BRDT: variants seen among roughly 807,000 people sequenced by gnomAD.
BRDT encodes the protein bromodomain testis associated, also known as bromodomain testis-specific protein.
A neutral mutation model predicts 113.9 loss-of-function variants in BRDT; 77 were observed. The ratio of observed to expected loss-of-function variants is 0.68; its 90% CI spans 0.56 to 0.82. The LOEUF (loss-of-function observed/expected upper bound fraction) is 0.82, where lower values mean the gene tolerates loss of function less well. BRDT is among the 40% of genes least tolerant of loss of function. The pLI is 0.00. For missense variants in BRDT, 1,027 were observed against 1,105.4 expected, an observed-to-expected ratio of 0.93 and a Z score of 1.01; for synonymous variants, 358 against 366.5, an observed-to-expected ratio of 0.98 and a Z score of 0.26.
chr1:91,968,318 A>G (rs201156875), intron 4 of BRDT, 58 bp downstream of exon 4: 211 of 1,575,176 alleles, frequency 1.3e-4, no homozygotes, highest in Non-Finnish European at 1.7e-4. Context: ...TATCTATCTC[A>G]TGTGTGTGTG....
intron 16 of BRDT, 24 bp from the exon 17 acceptor site, chr1:92,004,390 G>A (rs764696006): frequency 6.4e-7 from 1 of 1,566,760 alleles, no homozygotes; most frequent in Admixed American, 2.0e-5. Context: ...TGTAGACATA[G>A]ACTGAACCAA....
At chr1:91,991,989 CTCAA>C (rs1685808345) in intron 13 of BRDT, among the ~76,000 whole-genome samples, 11 of 36,190 alleles carry the variant, frequency 3.0e-4, no homozygotes, top group African/African-American at 1.2e-3. Flanking sequence ...AAGACTCTGT[CTCAA>C]AAAAAAAAAA....
intron 15 of BRDT, among the ~76,000 whole-genome samples, chr1:92,000,902 CTG>C (rs961267257): frequency 1.3e-4 from 20 of 152,322 alleles, no homozygotes; most frequent in African/African-American, 4.1e-4. Context: ...GGCTCACACT[CTG>C]TAGTTAATCT....
chr1:91,966,961 C>A (rs1459922855), intron 3 of BRDT, among the ~76,000 whole-genome samples: 1 of 152,038 alleles, frequency 6.6e-6, no homozygotes, highest in African/African-American at 2.4e-5. Flanking sequence ...CCCAGGTACT[C>A]AGGAGGCTGA....
chr1:91,988,650 C>T (rs1395142855), intron 12 of BRDT, among the ~76,000 whole-genome samples: 2 of 152,180 alleles, frequency 1.3e-5, no homozygotes, highest in East Asian at 3.9e-4. Context: ...ATCAGCCTGC[C>T]TTGGCTTCCC....
chr1:91,956,805 T>G (rs1026708901), intron 1 of BRDT, among the ~76,000 whole-genome samples: 1 of 152,014 alleles, frequency 6.6e-6, no homozygotes, highest in Non-Finnish European at 1.5e-5. Flanking sequence ...TAACCAGGCA[T>G]GGTGATATGT....
chr1:91,998,118 C>T (rs12024343), intron 15 of BRDT, among the ~76,000 whole-genome samples: 15,868 of 152,020 alleles, frequency 0.1, 1,261 homozygotes, highest in East Asian at 0.4. Context: ...TTAGCCATAC[C>T]CTTATCCTTA....
chr1:91,977,201 A>T lies in BRDT; in HGVS notation c.777A>T (p.Gln259His), dbSNP rs1337715357. ...MPKNVLPDSQ[Q>H]QYNVVKTVKV... ...AGAATGTTTTGCCAGATTCTCAGCA[A>T]CAATATAATGTTGTGAAGACTGTTA... is the stretch of plus-strand genomic sequence containing the variant. Residue 259 changes from glutamine (Q) to histidine (H), a missense_variant, in exon 6 of 19, where the codon CAA becomes CAT. Gln to His is a conservative substitution (Grantham distance 24). Transcript: ENST00000399546. 1 of 1,613,968 alleles carries T rather than the reference A, an allele frequency of 6.2e-7. No individual in the cohort carries two copies. The highest frequency in any genetic ancestry group is 1.3e-5 in the African/African-American group (1 of 74,940).
At position 91,964,607 on chromosome 1, in the gene BRDT, G is replaced by T. The variant is rs1283811708; in HGVS notation, c.193-20G>T. 1.5e-6 allele frequency: 2 copies of T among 1,325,612 alleles called. No individual in the cohort carries two copies. The highest frequency in any genetic ancestry group is 2.2e-5 in the Admixed American group (1 of 44,698). 82.1% of individuals were successfully genotyped at this position (1,325,612 alleles called of 1,614,324 possible). A position where few individuals can be genotyped will look rare whatever the true frequency, so the allele number is the denominator to read the frequency against. On this transcript the variant is annotated intron_variant, in intron 2 of 18. Coordinates refer to ENST00000399546, the MANE Select transcript of BRDT (RefSeq NM_207189.4). ...GTGTATTCATTCTTACTAACATTTA[G>T]AATTTGTTCAAAACCATAGGATTAT... is the stretch of plus-strand genomic sequence containing the variant.
intron 4 of BRDT, among the ~76,000 whole-genome samples, chr1:91,968,515 G>T (rs1481119466): frequency 6.6e-6 from 1 of 152,050 alleles, no homozygotes; most frequent in Non-Finnish European, 1.5e-5. Context: ...CACATAGTAG[G>T]GATTCAGAAA....
intron 1 of BRDT, among the ~76,000 whole-genome samples, chr1:91,958,418 A>G (rs1031964691): frequency 5.3e-5 from 8 of 150,634 alleles, no homozygotes; most frequent in African/African-American, 2.0e-4. Context: ...TTTTCACCAT[A>G]TTGCCCAGGC....
At chr1:91,960,915 A>G (rs1400926056) in intron 1 of BRDT, among the ~76,000 whole-genome samples, 1 of 152,232 alleles carries the variant, frequency 6.6e-6, no homozygotes, top group Non-Finnish European at 1.5e-5. Context: ...AATATTAAAT[A>G]CCGTCTTTCT....
At chr1:92,013,784 T>C (rs1688002233) in intron 18 of BRDT, among the ~76,000 whole-genome samples, 1 of 152,228 alleles carries the variant, frequency 6.6e-6, no homozygotes. Context: ...TTACATATTA[T>C]AGTTATCTCA....
In BRDT at chr1:91,949,594, T is replaced by C. The variant is rs111956895; in HGVS notation, c.-126T>C. 9.1e-3 allele frequency: 1,387 copies of C among 152,390 alleles called. 18 individuals are homozygous for C. Among genetic ancestry groups the C allele is most frequent in the African/African-American group, 0.023 (950 of 41,550 alleles). 9.4% of individuals were successfully genotyped at this position (152,390 alleles called of 1,614,324 possible). A position where few individuals can be genotyped will look rare whatever the true frequency, so the allele number is the denominator to read the frequency against. ...GGCCTTGGGTGGGAACAACCGTTTT[T>C]TCCCCCCTCTCCCCTCCCCGACCCC... is the stretch of plus-strand genomic sequence containing the variant. On this transcript the variant is annotated 5_prime_UTR_variant, in exon 1 of 19. Coordinates refer to ENST00000399546, the MANE Select transcript of BRDT (RefSeq NM_207189.4).
chr1:91,958,686 T>C (rs1682071621), intron 1 of BRDT, among the ~76,000 whole-genome samples: 1 of 152,192 alleles, frequency 6.6e-6, no homozygotes, highest in South Asian at 2.1e-4. Flanking sequence ...AAGGTATTTT[T>C]TTTAAAAAAT....
In BRDT at chr1:91,978,176, G is replaced by T. The variant is rs747014128; in HGVS notation, c.978G>T (p.Met326Ile). 2 of 1,611,454 alleles carry T rather than the reference G, an allele frequency of 1.2e-6. No individual in the cohort carries two copies. The highest frequency in any genetic ancestry group is 1.1e-5 in the South Asian group (1 of 90,774). ...GTTTTTCTTTAATTTAGGAGAAAATGGATAACCAAGAATATAAGGATGCAT... is the reference window on the plus strand; with the variant it reads ...GTTTTTCTTTAATTTAGGAGAAAATTGATAACCAAGAATATAAGGATGCAT... ...PMDLGTIKEK[M>I]DNQEYKDAYK... The change falls in exon 7 of 19, where the codon ATG becomes ATT. Residue 326 changes from methionine to isoleucine, a missense_variant. Met to Ile is a conservative substitution (Grantham distance 10). Coordinates refer to ENST00000399546, the MANE Select transcript of BRDT (RefSeq NM_207189.4).
chr1:91,985,832 G>T (rs1405024921), intron 12 of BRDT, among the ~76,000 whole-genome samples: 1 of 151,162 alleles, frequency 6.6e-6, no homozygotes, highest in East Asian at 2.0e-4. Flanking sequence ...TAGAGACGGG[G>T]TTTCACCGTG....
chr1:91,954,902 A>G (rs1253153150), intron 1 of BRDT, among the ~76,000 whole-genome samples: 1 of 152,168 alleles, frequency 6.6e-6, no homozygotes, highest in Non-Finnish European at 1.5e-5. Context: ...TCGAGGCTTC[A>G]GTGAGCAGTG....
Position 92,002,148 on chromosome 1 carries a change from A to C in BRDT, c.2387A>C (p.Lys796Thr), listed in dbSNP as rs1289552806. The change falls in exon 16 of 19, where the codon AAG (lysine) becomes ACG (threonine). Residue 796 changes from lysine (K) to threonine (T), a missense_variant and splice_region_variant. By Grantham distance (78) the Lys-to-Thr change is moderately conservative. Transcript: ENST00000399546. ...LESECQAPVQ[K>T]DIKIKNADSW... ...TCTGAATGTCAAGCTCCTGTACAGA[A>C]GGTAAAAGTAATTTTTTTTTTCTAA... 1.2e-6 allele frequency: 2 copies of C among 1,607,916 alleles called. No individual in the cohort carries two copies. The highest frequency in any genetic ancestry group is 2.7e-5 in the African/African-American group (2 of 74,724).
Sources: gnomAD v4.1 joint callset for allele counts (sites outside exome capture counted in the v4.1 genomes callset) on GRCh38, gnomAD v4.1.1 for gene constraint, MANE v1.5 for transcripts, NCBI Gene and HGNC (gene_info 2026-07-23, HGNC 2026-07-21) for gene names.